The following ERC2 variants were observed in gnomAD, a reference collection of about 807,000 sequenced individuals.
The protein encoded by ERC2 is ELKS/RAB6-interacting/CAST family member 2.
A neutral mutation model predicts 114.8 loss-of-function variants in ERC2; 42 were observed. The observed-to-expected ratio is 0.37, with a 90% CI of 0.29 to 0.47. The LOEUF is 0.47. Among genes scored for constraint, ERC2 ranks in the 20% least tolerant of loss-of-function variants. The pLI, the probability that ERC2 is intolerant of heterozygous loss-of-function variation, is 0.99. For missense variants in ERC2, 939 were observed against 1,150.7 expected (o/e 0.82, Z 2.66); for synonymous variants, 454 against 425.5 (o/e 1.07, Z -0.82).
chr3:56,224,785 C>T lies in ERC2; in HGVS notation c.1075-51265G>A, dbSNP rs568940555. On this transcript the variant is annotated intron_variant, in intron 3 of 17. Coordinates refer to ENST00000288221, the MANE Select transcript of ERC2 (RefSeq NM_015576.3). ...CTTCTACATTCCACTTCCTGGGAGGCCCCAAGAGATACTAATCAAAATAAG... is the reference window on the plus strand; with the variant it reads ...CTTCTACATTCCACTTCCTGGGAGGTCCCAAGAGATACTAATCAAAATAAG... Among the ~76,000 whole-genome samples the T allele has an allele frequency of 2.0e-5, 3 of 152,204 alleles. No homozygotes were observed. The Middle Eastern group carries it at 0.01, about 518-fold the overall frequency.
At chr3:55,877,685 G>C (rs1244799715) in intron 14 of ERC2, among the ~76,000 whole-genome samples, 1 of 151,498 alleles carries the variant, frequency 6.6e-6, no homozygotes, top group African/African-American at 2.4e-5. Context: ...CTAACTTTTT[G>C]TATTTTTTGT....
At chr3:56,338,652 A>G (rs2057960992) in intron 2 of ERC2, among the ~76,000 whole-genome samples, 1 of 152,254 alleles carries the variant, frequency 6.6e-6, no homozygotes, top group African/African-American at 2.4e-5. Flanking sequence ...CAAGAAATGA[A>G]GGACACAAGG....
intron 2 of ERC2, among the ~76,000 whole-genome samples, chr3:56,392,897 A>G (rs115226111): frequency 0.02 from 3,020 of 152,184 alleles, 98 homozygotes; most frequent in African/African-American, 0.07. Context: ...AGGAAGTTCC[A>G]CCTGATACGG....
intron 17 of ERC2, among the ~76,000 whole-genome samples, chr3:55,539,832 T>C (rs1387251642): frequency 6.6e-6 from 1 of 152,162 alleles, no homozygotes; most frequent in East Asian, 1.9e-4. Context: ...ATAGATTTTT[T>C]AAAAGAATAC....
intron 17 of ERC2, among the ~76,000 whole-genome samples, chr3:55,639,104 T>C (rs1417299875): frequency 2.0e-5 from 3 of 152,152 alleles, no homozygotes; most frequent in Non-Finnish European, 4.4e-5. Context: ...CATATGTGCA[T>C]AGAGGTGGAG....
At chr3:56,192,579 GGTGAGCAGCTGAT>G (rs1288330005) in intron 3 of ERC2, among the ~76,000 whole-genome samples, 1 of 152,124 alleles carries the variant, frequency 6.6e-6, no homozygotes, top group Non-Finnish European at 1.5e-5. Flanking sequence ...TCACAGGGTT[GGTGAGCAGCTGAT>G]GTGATTTAAA....
intron 2 of ERC2, among the ~76,000 whole-genome samples, chr3:56,349,520 A>C (rs773240672): frequency 2.6e-5 from 4 of 152,240 alleles, no homozygotes; most frequent in Non-Finnish European, 4.4e-5. Context: ...ACTCCAAAGC[A>C]GTATGATGCC....
chr3:56,164,200 A>C (rs2082203766), intron 4 of ERC2, among the ~76,000 whole-genome samples: 1 of 152,178 alleles, frequency 6.6e-6, no homozygotes, highest in South Asian at 2.1e-4. Context: ...CTGCTATTTA[A>C]TTCCAGAACA....
chr3:56,187,253 G>A (rs1263424315), intron 3 of ERC2, among the ~76,000 whole-genome samples: 4 of 152,150 alleles, frequency 2.6e-5, no homozygotes, highest in African/African-American at 9.7e-5. Context: ...ACACTTCCAG[G>A]AAAGGTCACA....
At chr3:56,142,979 G>A (rs1437000679) in intron 5 of ERC2, among the ~76,000 whole-genome samples, 13 of 152,074 alleles carry the variant, frequency 8.5e-5, no homozygotes, top group Admixed American at 5.2e-4. Context: ...GAAGTTTTCC[G>A]ATCATCTTGC....
At position 56,296,139 on chromosome 3, in the gene ERC2, T is replaced by A; in HGVS notation, c.954A>T (p.Pro318=). The A allele has an allele frequency of 6.2e-7, 1 of 1,614,062 alleles. No homozygotes were observed. Among genetic ancestry groups the A allele is most frequent in the Non-Finnish European group, 8.5e-7 (1 of 1,179,888 alleles). ...CATTGTCATCCTCCAGGCTTTTGGA[T>A]GGCAAGCCTTTACTTTGCAACATCT... ...LLEMLQSKGL[P]SKSLEDDNER... The change falls in exon 3 of 18, where the codon CCA becomes CCT. Residue 318 remains proline (P), a synonymous_variant. Transcript: ENST00000288221.
intron 17 of ERC2, among the ~76,000 whole-genome samples, chr3:55,512,968 T>C (rs1034846478): frequency 1.3e-5 from 2 of 152,204 alleles, no homozygotes; most frequent in Non-Finnish European, 2.9e-5. Context: ...AAGAAGCATA[T>C]GCTTTAAAAA....
At chr3:55,897,061 G>A (rs781430100) in intron 13 of ERC2, among the ~76,000 whole-genome samples, 3 of 152,082 alleles carry the variant, frequency 2.0e-5, no homozygotes, top group African/African-American at 4.8e-5. Context: ...AGAAATCGTC[G>A]GATCTTTTAA....
chr3:55,674,082 G>A (rs963531402), intron 17 of ERC2, among the ~76,000 whole-genome samples: 3 of 152,160 alleles, frequency 2.0e-5, no homozygotes, highest in Non-Finnish European at 2.9e-5. Context: ...GCTCTAGTGT[G>A]CGTGGCCACT....
At chr3:56,425,393 G>C (rs547339122) in intron 2 of ERC2, among the ~76,000 whole-genome samples, 26 of 152,134 alleles carry the variant, frequency 1.7e-4, no homozygotes, top group African/African-American at 5.8e-4. Context: ...AAAAAATGAG[G>C]GTCACACATA....
At chr3:55,955,146 T>C (rs1241745920) in intron 12 of ERC2, 2 of 516,726 alleles carry the variant, frequency 3.9e-6, no homozygotes, top group Non-Finnish European at 7.7e-6. Flanking sequence ...CGGAAACTCC[T>C]GGAAACTCCA....
At chr3:56,233,620 CAA>C (rs79004022) in intron 3 of ERC2, among the ~76,000 whole-genome samples, 15 of 111,712 alleles carry the variant, frequency 1.3e-4, no homozygotes, top group African/African-American at 1.7e-4. Flanking sequence ...TCTCAACAAC[CAA>C]AAAAAAAAAA....
At chr3:56,264,301 A>G (rs2053144557) in intron 3 of ERC2, among the ~76,000 whole-genome samples, 1 of 152,198 alleles carries the variant, frequency 6.6e-6, no homozygotes, top group Non-Finnish European at 1.5e-5. Flanking sequence ...AGTACTAGCA[A>G]GATCAATAAG....
chr3:55,768,792 G>C (rs113514449), intron 14 of ERC2, among the ~76,000 whole-genome samples: 1 of 152,182 alleles, frequency 6.6e-6, no homozygotes, highest in Non-Finnish European at 1.5e-5. Flanking sequence ...AGTAGGCAGC[G>C]GGCAGCAGCA....
Sources: gnomAD v4.1 joint callset for allele counts (sites outside exome capture counted in the v4.1 genomes callset) on GRCh38, gnomAD v4.1.1 for gene constraint, MANE v1.5 for transcripts, NCBI Gene and HGNC (gene_info 2026-07-23, HGNC 2026-07-21) for gene names.